The following ARHGAP26 variants were observed in gnomAD, a reference collection of about 807,000 sequenced individuals.
ARHGAP26 encodes Rho GTPase activating protein 26.
Under a neutral mutation model 104.8 loss-of-function variants are expected in ARHGAP26, and 38 were observed. The observed-to-expected ratio is 0.36, with a 90% CI of 0.28 to 0.48. The LOEUF is 0.48. Ranked by LOEUF, ARHGAP26 falls within the 20% of genes least tolerant of loss-of-function variation. The probability of loss-of-function intolerance (pLI) is 0.99; values close to 1 mark genes in which losing one functional copy is unlikely to be tolerated. For synonymous variants in ARHGAP26, 341 were observed against 340.0 expected (o/e 1.00, Z -0.03); for missense variants, 704 against 947.9 (o/e 0.74, Z 3.38).
At chr5:142,925,491 AGATT>A (rs1457764865) in intron 10 of ARHGAP26, among the ~76,000 whole-genome samples, 2 of 152,188 alleles carry the variant, frequency 1.3e-5, no homozygotes, top group Non-Finnish European at 2.9e-5. Context: ...TCATTCTCCA[AGATT>A]ATTCTATGTG....
intron 1 of ARHGAP26, chr5:142,771,401 G>C (rs569408572): frequency 6.5e-6 from 8 of 1,231,786 alleles, no homozygotes; most frequent in Non-Finnish European, 8.1e-6. Flanking sequence ...TTCGCTCCCT[G>C]TACGCAGCTC....
chr5:142,935,003 G>C (rs974839761), intron 11 of ARHGAP26, among the ~76,000 whole-genome samples: 1 of 152,036 alleles, frequency 6.6e-6, no homozygotes, highest in Non-Finnish European at 1.5e-5. Context: ...TTATGGTGTC[G>C]ATGGACATAT....
intron 11 of ARHGAP26, among the ~76,000 whole-genome samples, chr5:142,939,514 GTCC>G (rs1379942904): frequency 6.6e-6 from 1 of 152,114 alleles, no homozygotes; most frequent in Non-Finnish European, 1.5e-5. Context: ...TAACCCCCTA[GTCC>G]TTCTAGAACT....
At chr5:143,191,873 C>A (rs1333631747) in intron 20 of ARHGAP26, among the ~76,000 whole-genome samples, 1 of 152,154 alleles carries the variant, frequency 6.6e-6, no homozygotes, top group African/African-American at 2.4e-5. Flanking sequence ...TTAGGCAAGC[C>A]GACAAGTGGC....
chr5:142,940,188 G>A (rs1165054621), intron 11 of ARHGAP26, among the ~76,000 whole-genome samples: 1 of 152,160 alleles, frequency 6.6e-6, no homozygotes, highest in African/African-American at 2.4e-5. Context: ...GCTGACACTT[G>A]CGTTTTCCTT....
chr5:143,153,164 T>TC (rs1800045978), intron 20 of ARHGAP26, among the ~76,000 whole-genome samples: 2 of 152,090 alleles, frequency 1.3e-5, no homozygotes, highest in Non-Finnish European at 2.9e-5. Context: ...GAAAACAACT[T>TC]GTAACTGAGA....
At chr5:142,884,426 G>C (rs941852654) in intron 4 of ARHGAP26, among the ~76,000 whole-genome samples, 1 of 152,186 alleles carries the variant, frequency 6.6e-6, no homozygotes, top group African/African-American at 2.4e-5. Context: ...TCATTTTGAA[G>C]ACAATAATAC....
intron 11 of ARHGAP26, among the ~76,000 whole-genome samples, chr5:142,983,605 ATT>A (rs1188599348): frequency 1.3e-5 from 2 of 152,228 alleles, no homozygotes; most frequent in African/African-American, 4.8e-5. Context: ...GAGAATGCAG[ATT>A]TTCACGCATT....
intron 8 of ARHGAP26, among the ~76,000 whole-genome samples, chr5:142,905,908 T>C (rs1761045242): frequency 6.6e-6 from 1 of 152,216 alleles, no homozygotes; most frequent in Non-Finnish European, 1.5e-5. Flanking sequence ...AATAATGGCC[T>C]TCTAAAGCAT....
intron 1 of ARHGAP26, among the ~76,000 whole-genome samples, chr5:142,832,254 A>G (rs1165273592): frequency 2.6e-5 from 4 of 152,214 alleles, no homozygotes; most frequent in Admixed American, 2.0e-4. Context: ...CCTAACTCCC[A>G]ATATAACTAC....
At chr5:143,172,460 G>T (rs1463015187) in intron 20 of ARHGAP26, among the ~76,000 whole-genome samples, 1 of 152,160 alleles carries the variant, frequency 6.6e-6, no homozygotes, top group Non-Finnish European at 1.5e-5. Flanking sequence ...TAGTTCAATT[G>T]TCTGTTCAAA....
intron 22 of ARHGAP26, among the ~76,000 whole-genome samples, chr5:143,220,719 G>T (rs1193927202): frequency 6.6e-6 from 1 of 152,186 alleles, no homozygotes; most frequent in Non-Finnish European, 1.5e-5. Flanking sequence ...GAAGCTTAGT[G>T]ATCTGAAATT....
chr5:143,205,605 C>A (rs982067977), intron 20 of ARHGAP26, among the ~76,000 whole-genome samples: 1 of 152,204 alleles, frequency 6.6e-6, no homozygotes, highest in Non-Finnish European at 1.5e-5. Flanking sequence ...GCTAGAGGAA[C>A]AGGGCAAGTC....
At chr5:143,221,589 C>CTGCA (rs1811142049) in intron 22 of ARHGAP26, among the ~76,000 whole-genome samples, 2 of 152,184 alleles carry the variant, frequency 1.3e-5, no homozygotes. Context: ...TCACGGCTCA[C>CTGCA]TGCAGCCTCG....
intron 11 of ARHGAP26, among the ~76,000 whole-genome samples, chr5:142,966,103 G>T (rs1169752075): frequency 6.6e-6 from 1 of 152,172 alleles, no homozygotes; most frequent in Non-Finnish European, 1.5e-5. Flanking sequence ...GCAGAGAAAA[G>T]AATACAGAAA....
intron 20 of ARHGAP26, among the ~76,000 whole-genome samples, chr5:143,162,284 TACACACACACACACAC>T (rs34577770): frequency 1.4e-5 from 2 of 147,324 alleles, no homozygotes; most frequent in African/African-American, 2.5e-5. Flanking sequence ...AACACACACA[TACACACACACACACAC>T]ACACACACAC....
At chr5:142,973,566 C>G (rs910883465) in intron 11 of ARHGAP26, among the ~76,000 whole-genome samples, 1 of 152,160 alleles carries the variant, frequency 6.6e-6, no homozygotes, top group African/African-American at 2.4e-5. Context: ...ACTCCATGCA[C>G]AAGTGTTAGT....
At chr5:142,820,882 C>G (rs2152072328) in intron 1 of ARHGAP26, among the ~76,000 whole-genome samples, 1 of 152,262 alleles carries the variant, frequency 6.6e-6, no homozygotes, top group African/African-American at 2.4e-5. Context: ...CAAGGAAACT[C>G]AGACTTCAAG....
intron 18 of ARHGAP26, 91 bp from the exon 19 acceptor site, chr5:143,133,876 A>G (rs1485477479): frequency 6.9e-6 from 9 of 1,302,922 alleles, no homozygotes; most frequent in South Asian, 3.8e-5. Flanking sequence ...TAATTCCAAG[A>G]CACTGCCAAG....
Sources: gnomAD v4.1 joint callset for allele counts (sites outside exome capture counted in the v4.1 genomes callset) on GRCh38, gnomAD v4.1.1 for gene constraint, MANE v1.5 for transcripts, NCBI Gene and HGNC (gene_info 2026-07-23, HGNC 2026-07-21) for gene names.